SENP7: variants seen among roughly 807,000 people sequenced by gnomAD.
The protein encoded by SENP7 is sentrin-specific protease 7.
A neutral mutation model predicts 141.2 loss-of-function variants in SENP7; 64 were observed. The observed-to-expected ratio is 0.45, with a 90% CI of 0.37 to 0.56. SENP7 has a LOEUF of 0.56. Ranked by LOEUF, SENP7 falls within the 20% of genes least tolerant of loss-of-function variation. The pLI is 0.00. For synonymous variants in SENP7, 382 were observed against 426.4 expected, an observed-to-expected ratio of 0.90 and a Z score of 1.28; for missense variants, 1,025 against 1,212.2, an observed-to-expected ratio of 0.85 and a Z score of 2.29.
At chr3:101,387,208 T>C (rs886701885) in intron 6 of SENP7, among the ~76,000 whole-genome samples, 2 of 152,040 alleles carry the variant, frequency 1.3e-5, no homozygotes, top group Admixed American at 1.3e-4. Context: ...ACTGCCACCA[T>C]TAGCACATGA....
At chr3:101,472,843 A>G (rs184189299) in intron 3 of SENP7, among the ~76,000 whole-genome samples, 9 of 152,032 alleles carry the variant, frequency 5.9e-5, no homozygotes, top group African/African-American at 2.2e-4. Flanking sequence ...GTTATACAGA[A>G]TATTTATGAC....
At chr3:101,332,931 T>C (rs1238455129) in intron 17 of SENP7, 69 bp from the exon 18 acceptor site, 1 of 1,381,606 alleles carries the variant, frequency 7.2e-7, no homozygotes, top group South Asian at 1.4e-5. Context: ...TCAAGAGCCA[T>C]TTTTATATAT....
intron 4 of SENP7, chr3:101,457,811 G>T: frequency 1.7e-6 from 1 of 592,540 alleles, no homozygotes; most frequent in Non-Finnish European, 3.0e-6. Context: ...GAGATTAGGC[G>T]CACACATGCG....
At chr3:101,339,702 G>T (rs1014942066) in intron 16 of SENP7, among the ~76,000 whole-genome samples, 1 of 151,786 alleles carries the variant, frequency 6.6e-6, no homozygotes, top group Non-Finnish European at 1.5e-5. Context: ...TGGGTGACAA[G>T]AGTGAGACTC....
intron 3 of SENP7, among the ~76,000 whole-genome samples, chr3:101,463,364 A>ATATATATATATATATATATAT (rs1553744608): frequency 1.1e-5 from 1 of 89,248 alleles, no homozygotes; most frequent in Non-Finnish European, 2.2e-5. Flanking sequence ...TAAATAAATA[A>ATATATATATATATATATATAT]ATATATATAT....
At chr3:101,429,958 T>G (rs2062101769) in intron 4 of SENP7, among the ~76,000 whole-genome samples, 2 of 152,204 alleles carry the variant, frequency 1.3e-5, no homozygotes, top group Non-Finnish European at 2.9e-5. Context: ...GTGGTTTTTG[T>G]CGTTGGTTCT....
At chr3:101,384,174 T>C (rs911337049) in intron 6 of SENP7, among the ~76,000 whole-genome samples, 9 of 152,256 alleles carry the variant, frequency 5.9e-5, no homozygotes, top group African/African-American at 2.2e-4. Context: ...TCCTGAGAGC[T>C]GTACTGTCAC....
chr3:101,341,032 C>T (rs1233563697), intron 15 of SENP7, among the ~76,000 whole-genome samples: 2 of 152,050 alleles, frequency 1.3e-5, no homozygotes, highest in African/African-American at 2.4e-5. Flanking sequence ...TATCATGGCA[C>T]CTAAATCAAA....
intron 5 of SENP7, among the ~76,000 whole-genome samples, chr3:101,404,558 C>A (rs2061244000): frequency 6.6e-6 from 1 of 152,000 alleles, no homozygotes; most frequent in Admixed American, 6.6e-5. Context: ...GCAACAAAAG[C>A]AAAAATTGAC....
In SENP7 at chr3:101,343,768, A is replaced by G. The variant is rs1409370679; in HGVS notation, c.2024T>C (p.Ile675Thr). Residue 675 changes from isoleucine to threonine, a missense_variant, in exon 14 of 24, where the codon ATT (isoleucine) becomes ACT (threonine). Physicochemically the swap from Ile to Thr is moderately conservative, Grantham distance 89. Coordinates refer to ENST00000394095, the MANE Select transcript of SENP7 (RefSeq NM_020654.5). Reference sequence around the variant, plus strand: ...ACAAGTTGAAACACAGTAATAATGAATAAAAGAACTTTCTTTTGAAGAGAG... The same window carrying G: ...ACAAGTTGAAACACAGTAATAATGAGTAAAAGAACTTTCTTTTGAAGAGAG... ...QNLSSKESSFIHYYCVSTCSF... is the reference protein window; with the variant it reads ...QNLSSKESSFTHYYCVSTCSF... 2 of 1,613,784 alleles carry G rather than the reference A, an allele frequency of 1.2e-6. No individual in the cohort carries two copies. The highest frequency in any genetic ancestry group is 2.7e-5 in the African/African-American group (2 of 74,912).
At chr3:101,466,261 C>T (rs920918061) in intron 3 of SENP7, among the ~76,000 whole-genome samples, 1 of 152,068 alleles carries the variant, frequency 6.6e-6, no homozygotes, top group African/African-American at 2.4e-5. Flanking sequence ...CATGAAGATA[C>T]AGGAGTACAA....
intron 3 of SENP7, among the ~76,000 whole-genome samples, chr3:101,463,378 T>TATATATATATATATATAC (rs1553744688): frequency 7.0e-4 from 59 of 84,404 alleles, no homozygotes; most frequent in Admixed American, 9.0e-4. Flanking sequence ...TATATATATA[T>TATATATATATATATATAC]ATATATATAT....
chr3:101,373,882 T>C (rs1468817125), intron 6 of SENP7, among the ~76,000 whole-genome samples: 4 of 152,128 alleles, frequency 2.6e-5, no homozygotes, highest in Non-Finnish European at 5.9e-5. Flanking sequence ...TTAGCTTCCA[T>C]CCTCTTATAA....
intron 3 of SENP7, among the ~76,000 whole-genome samples, chr3:101,460,530 A>T (rs1239637656): frequency 5.3e-5 from 8 of 152,202 alleles, no homozygotes; most frequent in Non-Finnish European, 1.2e-4. Context: ...TTCACATCAT[A>T]TTCAAAAATG....
chr3:101,341,884 T>G, intron 14 of SENP7, 105 bp from the exon 15 acceptor site: 1 of 1,145,378 alleles, frequency 8.7e-7, no homozygotes, highest in Non-Finnish European at 1.2e-6. Context: ...AAAATCCCTA[T>G]GAATTATATC....
intron 3 of SENP7, among the ~76,000 whole-genome samples, chr3:101,467,191 A>T (rs1013215048): frequency 4.6e-5 from 7 of 152,240 alleles, no homozygotes; most frequent in Non-Finnish European, 1.0e-4. Flanking sequence ...CAGCTAGAAC[A>T]GGGCAGAGCC....
intron 17 of SENP7, among the ~76,000 whole-genome samples, chr3:101,336,512 T>G (rs959065993): frequency 1.3e-5 from 2 of 152,206 alleles, no homozygotes; most frequent in Non-Finnish European, 2.9e-5. Flanking sequence ...TTAATCTTCA[T>G]TAGACTGCTT....
intron 6 of SENP7, among the ~76,000 whole-genome samples, chr3:101,391,106 G>C (rs993234982): frequency 1.3e-5 from 2 of 151,862 alleles, no homozygotes; most frequent in Non-Finnish European, 2.9e-5. Context: ...TGCTAAGAGG[G>C]AAATTTATAG....
At chr3:101,500,683 A>G (rs1422382848) in intron 2 of SENP7, among the ~76,000 whole-genome samples, 1 of 152,266 alleles carries the variant, frequency 6.6e-6, no homozygotes, top group Non-Finnish European at 1.5e-5. Flanking sequence ...GAGGCTTAAA[A>G]GGACATATTC....
Sources: allele counts gnomAD v4.1 joint callset (sites outside exome capture counted in the v4.1 genomes callset), GRCh38; gene constraint gnomAD v4.1.1; transcripts MANE v1.5; gene names NCBI Gene and HGNC (gene_info 2026-07-23, HGNC 2026-07-21).